The following RARB variants were observed in gnomAD, a reference collection of about 807,000 sequenced individuals.
The protein encoded by RARB is retinoic acid receptor beta, also known as HBV-activated protein.
RARB carries 17 observed loss-of-function variants against 51.9 expected under a neutral mutation model. That is an observed-to-expected ratio of 0.33 (90% CI 0.22 to 0.49). The LOEUF (loss-of-function observed/expected upper bound fraction) is 0.49, where lower values mean the gene tolerates loss of function less well. Among genes scored for constraint, RARB ranks in the 20% least tolerant of loss-of-function variants. The probability of loss-of-function intolerance (pLI) is 0.99; values close to 1 mark genes in which losing one functional copy is unlikely to be tolerated. For synonymous variants in RARB, 215 were observed against 195.4 expected (o/e 1.10, Z -0.84); for missense variants, 369 against 550.8 (o/e 0.67, Z 3.30).
intron 2 of RARB, among the ~76,000 whole-genome samples, chr3:25,464,473 C>T (rs537230239): frequency 2.0e-5 from 3 of 152,032 alleles, no homozygotes; most frequent in Admixed American, 6.6e-5. Flanking sequence ...CAGGTGAGTT[C>T]GGCAGCCAGT....
chr3:24,975,337 A>G (rs1376301754), intron 2 of RARB, among the ~76,000 whole-genome samples: 1 of 152,112 alleles, frequency 6.6e-6, no homozygotes, highest in African/African-American at 2.4e-5. Context: ...TTACTCAGGA[A>G]AAAATTCCTG....
At chr3:25,216,591 G>A (rs1319159264) in intron 5 of RARB, among the ~76,000 whole-genome samples, 1 of 151,976 alleles carries the variant, frequency 6.6e-6, no homozygotes, top group Non-Finnish European at 1.5e-5. Flanking sequence ...TGGGGGGTGG[G>A]GGGTTGTGAG....
chr3:25,102,097 A>C (rs1319859949), intron 3 of RARB, among the ~76,000 whole-genome samples: 1 of 152,150 alleles, frequency 6.6e-6, no homozygotes, highest in Admixed American at 6.5e-5. Flanking sequence ...AGGTGCCATA[A>C]ATTAGGTACC....
upstream of RARB, chr3:25,428,201 C>A (rs981331768): frequency 7.4e-6 from 9 of 1,218,682 alleles, no homozygotes; most frequent in Non-Finnish European, 8.2e-6. Flanking sequence ...AGGTTAGCAG[C>A]CCGGGTAGGG....
At chr3:25,463,496 C>G (rs1296782647) in intron 2 of RARB, among the ~76,000 whole-genome samples, 1 of 152,056 alleles carries the variant, frequency 6.6e-6, no homozygotes, top group Non-Finnish European at 1.5e-5. Context: ...AACCCCATCT[C>G]TACTAAAAGT....
At chr3:24,912,845 T>G (rs1427417233) in intron 2 of RARB, among the ~76,000 whole-genome samples, 6 of 152,152 alleles carry the variant, frequency 3.9e-5, no homozygotes, top group African/African-American at 1.4e-4. Flanking sequence ...TTTTTCAAAG[T>G]GTAACTTAAG....
chr3:25,501,176 TTG>T lies in RARB; in HGVS notation c.307-5_307-4del. 6 of 1,572,162 alleles carry T rather than the reference TTG, an allele frequency of 3.8e-6. No individual in the cohort carries two copies. Among genetic ancestry groups the T allele is most frequent in the Non-Finnish European group, 5.1e-6 (6 of 1,165,798 alleles). On this transcript the variant is annotated splice_region_variant and splice_polypyrimidine_tract_variant and intron_variant, in intron 2 of 7. Transcript: ENST00000330688. ...TGAGTTTTTTCATCTTCTTGCTTGC[TTG>T]CAGGGCTTTTTCCGCAGAAGTATTC... is the stretch of plus-strand genomic sequence containing the variant.
upstream of RARB, among the ~76,000 whole-genome samples, chr3:25,427,548 G>C (rs1320083596): frequency 3.9e-5 from 6 of 152,222 alleles, no homozygotes; most frequent in Non-Finnish European, 8.8e-5. Context: ...CTGTGTGGCT[G>C]TGTGTTTGGG....
chr3:25,534,092 T>C (rs554572212), intron 3 of RARB, among the ~76,000 whole-genome samples: 6 of 152,358 alleles, frequency 3.9e-5, no homozygotes, highest in Middle Eastern at 6.8e-3. Context: ...TCCAACTTCC[T>C]AGAGAATTAA....
chr3:24,877,677 C>T (rs958699260), intron 2 of RARB, among the ~76,000 whole-genome samples: 1 of 152,088 alleles, frequency 6.6e-6, no homozygotes, highest in Non-Finnish European at 1.5e-5. Context: ...TTCCACTGAT[C>T]TTTGATAACA....
chr3:25,473,349 G>C (rs780501294), intron 2 of RARB, among the ~76,000 whole-genome samples: 1 of 152,018 alleles, frequency 6.6e-6, no homozygotes, highest in Non-Finnish European at 1.5e-5. Flanking sequence ...GTGCATCTCT[G>C]CCTGTACAAA....
At chr3:25,182,575 G>C (rs1383077906) in intron 5 of RARB, among the ~76,000 whole-genome samples, 1 of 152,172 alleles carries the variant, frequency 6.6e-6, no homozygotes, top group Admixed American at 6.5e-5. Context: ...TAACACATAA[G>C]GGTTGTGTTA....
At chr3:24,994,094 G>T (rs1696971769) in intron 2 of RARB, among the ~76,000 whole-genome samples, 1 of 152,098 alleles carries the variant, frequency 6.6e-6, no homozygotes, top group African/African-American at 2.4e-5. Flanking sequence ...GATCTCCATG[G>T]TGGCTGTACT....
intron 5 of RARB, among the ~76,000 whole-genome samples, chr3:25,258,593 TG>T (rs1702923967): frequency 6.6e-6 from 1 of 152,112 alleles, no homozygotes; most frequent in Admixed American, 6.6e-5. Flanking sequence ...TTGGTTGTCA[TG>T]GTGTCTTGGT....
chr3:25,049,607 T>C (rs183881051), intron 2 of RARB, among the ~76,000 whole-genome samples: 22 of 152,372 alleles, frequency 1.4e-4, no homozygotes, highest in Admixed American at 3.3e-4. Context: ...ATGCTTTTTA[T>C]GTAGTGTTAA....
At chr3:25,055,554 C>G (rs1055376543) in intron 2 of RARB, among the ~76,000 whole-genome samples, 5 of 152,132 alleles carry the variant, frequency 3.3e-5, no homozygotes, top group Admixed American at 3.3e-4. Flanking sequence ...ATTATCCTTA[C>G]TCTTTACAAA....
At chr3:25,430,594 G>A (rs1708164380) in intron 1 of RARB, among the ~76,000 whole-genome samples, 2 of 152,186 alleles carry the variant, frequency 1.3e-5, no homozygotes, top group South Asian at 4.1e-4. Context: ...GAAAAGCTTT[G>A]TTTGTTCTTG....
intron 1 of RARB, among the ~76,000 whole-genome samples, chr3:25,458,693 A>G (rs991026039): frequency 2.6e-5 from 4 of 152,210 alleles, no homozygotes; most frequent in African/African-American, 9.6e-5. Flanking sequence ...CCTTGGTTCT[A>G]ACCAGTAAAG....
intron 5 of RARB, among the ~76,000 whole-genome samples, chr3:25,590,276 G>T (rs1701564927): frequency 6.6e-6 from 1 of 152,196 alleles, no homozygotes; most frequent in Admixed American, 6.5e-5. Flanking sequence ...ACATTTGAGG[G>T]CTGCAGTTTG....
Sources: gnomAD v4.1 joint callset for allele counts (sites outside exome capture counted in the v4.1 genomes callset) on GRCh38, gnomAD v4.1.1 for gene constraint, MANE v1.5 for transcripts, NCBI Gene and HGNC (gene_info 2026-07-23, HGNC 2026-07-21) for gene names.